Variants in PTH2R observed in about 807,000 individuals in gnomAD.
PTH2R encodes the protein parathyroid hormone 2 receptor.
PTH2R carries 59 observed loss-of-function variants against 60.3 expected under a neutral mutation model. That is an observed-to-expected ratio of 0.98 (90% CI 0.79 to 1.22). PTH2R has a LOEUF of 1.22. PTH2R is among the 50% of genes most tolerant of loss of function. The pLI is 0.00. For missense variants in PTH2R, 749 were observed against 682.6 expected (o/e 1.10, Z -1.08); for synonymous variants, 256 against 243.8 (o/e 1.05, Z -0.47).
chr2:208,365,053 T>G (rs993001741), intron 1 of PTH2R, among the ~76,000 whole-genome samples: 1 of 144,684 alleles, frequency 6.9e-6, no homozygotes, highest in Non-Finnish European at 1.5e-5. Context: ...TGTTCTAACC[T>G]GTTTTTTTTT....
At chr2:208,395,117 A>G (rs1386097089) in intron 1 of PTH2R, among the ~76,000 whole-genome samples, 1 of 151,324 alleles carries the variant, frequency 6.6e-6, no homozygotes, top group Non-Finnish European at 1.5e-5. Context: ...GCGCGATCTC[A>G]GCTCACTGCA....
At chr2:208,486,210 C>A (rs1305458476) in intron 10 of PTH2R, among the ~76,000 whole-genome samples, 1 of 152,162 alleles carries the variant, frequency 6.6e-6, no homozygotes, top group Non-Finnish European at 1.5e-5. Context: ...TGTTTTAAAC[C>A]ACTAAATTCA....
At chr2:208,360,318 T>C (rs887953834) in intron 1 of PTH2R, 4 of 329,888 alleles carry the variant, frequency 1.2e-5, no homozygotes, top group East Asian at 8.6e-5. Context: ...CTAGGAACTT[T>C]CGCCACACCC....
intron 6 of PTH2R, among the ~76,000 whole-genome samples, chr2:208,444,284 A>G (rs1330827578): frequency 2.0e-5 from 3 of 152,200 alleles, no homozygotes; most frequent in Non-Finnish European, 4.4e-5. Context: ...CCATCCACAG[A>G]TTTCTAAGAT....
At chr2:208,445,656 A>G (rs1012927289) in intron 7 of PTH2R, among the ~76,000 whole-genome samples, 1 of 152,202 alleles carries the variant, frequency 6.6e-6, no homozygotes, top group African/African-American at 2.4e-5. Flanking sequence ...TAGGAAAAAA[A>G]TTCACTAAGT....
chr2:208,405,789 C>A (rs777862224), upstream of PTH2R, among the ~76,000 whole-genome samples: 3 of 152,114 alleles, frequency 2.0e-5, no homozygotes, highest in Non-Finnish European at 4.4e-5. Flanking sequence ...GTGATTTGGT[C>A]ATGAGGGCTC....
upstream of PTH2R, among the ~76,000 whole-genome samples, chr2:208,406,003 G>A (rs1301850086): frequency 6.6e-6 from 1 of 152,122 alleles, no homozygotes; most frequent in East Asian, 1.9e-4. Flanking sequence ...CCCAGTTTAT[G>A]GTATTTTGTT....
rs76801664 is a variant in PTH2R, at chr2:208,476,057, G to A, written c.982-5013G>A. 5.8e-3 allele frequency among the ~76,000 whole-genome samples: 878 copies of A among 152,228 alleles called. 11 individuals are homozygous for A. The highest frequency in any genetic ancestry group is 0.02 in the African/African-American group (822 of 41,542). On this transcript the variant is annotated intron_variant, in intron 9 of 12. Transcript: ENST00000272847. ...TCCCAAGGTATCTTAGGGAGCTCTG[G>A]CAGAAGGAATAAGATGGTATTTCTA...
intron 1 of PTH2R, among the ~76,000 whole-genome samples, chr2:208,381,415 TCTTTA>T (rs1700912642): frequency 6.6e-6 from 1 of 152,108 alleles, no homozygotes; most frequent in African/African-American, 2.4e-5. Context: ...AAATAACTAT[TCTTTA>T]CTTAAATTTT....
intron 1 of PTH2R, among the ~76,000 whole-genome samples, chr2:208,389,604 G>C (rs1396148391): frequency 6.6e-6 from 1 of 152,124 alleles, no homozygotes. Flanking sequence ...CCTATGTCTA[G>C]GCTATGTATG....
intron 10 of PTH2R, among the ~76,000 whole-genome samples, chr2:208,484,170 T>C (rs1050217953): frequency 6.6e-6 from 1 of 152,362 alleles, no homozygotes; most frequent in East Asian, 1.9e-4. Context: ...CATGTTTCCA[T>C]GCATACTACT....
rs1702387066 is a variant in PTH2R, at chr2:208,450,651, G to A, written c.854-98G>A. 1.7e-5 allele frequency: 20 copies of A among 1,198,424 alleles called. No homozygotes were observed. The East Asian group carries it at 4.7e-4, about 28-fold the overall frequency. 74.2% of individuals were successfully genotyped at this position (1,198,424 alleles called of 1,614,324 possible). A position where few individuals can be genotyped will look rare whatever the true frequency, so the allele number is the denominator to read the frequency against. On this transcript the variant is annotated intron_variant, in intron 7 of 12. Transcript: ENST00000272847. ...AATTTTCATGTCTATTTTTATCTCTGAACAGCTAATAGTATATTCTTATAT... is the reference window on the plus strand; with the variant it reads ...AATTTTCATGTCTATTTTTATCTCTAAACAGCTAATAGTATATTCTTATAT...
intron 1 of PTH2R, among the ~76,000 whole-genome samples, chr2:208,370,546 A>T (rs1700680526): frequency 6.6e-6 from 1 of 150,572 alleles, no homozygotes; most frequent in Non-Finnish European, 1.5e-5. Flanking sequence ...ACCTATTCCC[A>T]CGACTGGGAG....
At chr2:208,463,139 A>G (rs777326521) in intron 9 of PTH2R, among the ~76,000 whole-genome samples, 2 of 152,000 alleles carry the variant, frequency 1.3e-5, no homozygotes, top group Non-Finnish European at 2.9e-5. Flanking sequence ...TGGCATACAC[A>G]TTTTCCTCAT....
chr2:208,378,733 G>C (rs553288647), intron 1 of PTH2R, among the ~76,000 whole-genome samples: 1 of 152,090 alleles, frequency 6.6e-6, no homozygotes, highest in Non-Finnish European at 1.5e-5. Flanking sequence ...CTCCTGAACT[G>C]CGAGATATAA....
At chr2:208,431,468 T>G (rs1436418510) in intron 2 of PTH2R, among the ~76,000 whole-genome samples, 1 of 152,222 alleles carries the variant, frequency 6.6e-6, no homozygotes, top group Non-Finnish European at 1.5e-5. Context: ...AACATTTCTT[T>G]AGAGAAAATT....
Position 208,442,096 on chromosome 2 carries a change from C to T in PTH2R, c.412-268C>T, listed in dbSNP as rs147156303. Among the ~76,000 whole-genome samples the T allele has an allele frequency of 3.6e-3, 554 of 152,190 alleles. 3 individuals are homozygous for T. Among genetic ancestry groups the T allele is most frequent in the African/African-American group, 0.013 (524 of 41,510 alleles). On this transcript the variant is annotated intron_variant, in intron 4 of 12. Coordinates refer to ENST00000272847, the MANE Select transcript of PTH2R (RefSeq NM_005048.4). ...ATATGAAGTATGTGAACAGAGAAAG[C>T]TAATTTGTGGTGACAGATATTGGAA...
Position 208,493,462 on chromosome 2 carries a change from C to G in PTH2R, c.1456C>G (p.Pro486Ala). 6.2e-7 allele frequency: 1 copy of G among 1,610,676 alleles called. No homozygotes were observed. The highest frequency in any genetic ancestry group is 8.5e-7 in the Non-Finnish European group (1 of 1,178,026). Residue 486 changes from proline (P) to alanine (A), a missense_variant, in exon 13 of 13, where the codon CCT becomes GCT. Coordinates refer to ENST00000272847, the MANE Select transcript of PTH2R (RefSeq NM_005048.4). ...AGCTGCCAAGATCGCCAGCAGACAG[C>G]CTGACAGCCACATCACTTTACCTGG... is the stretch of plus-strand genomic sequence containing the variant. ...GKAAKIASRQ[P>A]DSHITLPGYV...
intron 10 of PTH2R, among the ~76,000 whole-genome samples, chr2:208,487,888 A>G (rs1409414354): frequency 1.3e-5 from 2 of 152,212 alleles, no homozygotes; most frequent in African/African-American, 4.8e-5. Flanking sequence ...CAAGCAAGAG[A>G]GCCAGTCTGC....
Sources: gnomAD v4.1 joint callset for allele counts (sites outside exome capture counted in the v4.1 genomes callset) on GRCh38, gnomAD v4.1.1 for gene constraint, MANE v1.5 for transcripts, NCBI Gene and HGNC (gene_info 2026-07-23, HGNC 2026-07-21) for gene names.